The following TGFBR3 variants were observed in gnomAD, a reference collection of about 807,000 sequenced individuals.
The protein encoded by TGFBR3 is transforming growth factor beta receptor type 3.
In TGFBR3, 46 loss-of-function variants were observed where a neutral mutation model predicts 87.9. That is an observed-to-expected ratio of 0.52 (90% CI 0.41 to 0.67). The LOEUF (loss-of-function observed/expected upper bound fraction) is 0.67, where lower values mean the gene tolerates loss of function less well. Among genes scored for constraint, TGFBR3 ranks in the 30% least tolerant of loss-of-function variants. The probability of loss-of-function intolerance (pLI) is 0.00; values close to 1 mark genes in which losing one functional copy is unlikely to be tolerated. For missense variants in TGFBR3, 866 were observed against 1,041.9 expected (o/e 0.83, Z 2.32); for synonymous variants, 381 against 391.6 (o/e 0.97, Z 0.32).
intron 2 of TGFBR3, among the ~76,000 whole-genome samples, chr1:91,856,148 C>T (rs1412994623): frequency 1.3e-5 from 2 of 152,098 alleles, no homozygotes; most frequent in African/African-American, 4.8e-5. Context: ...CTGCAAGCTC[C>T]GCCTCCCGGG....
upstream of TGFBR3, chr1:91,886,248 GC>G (rs1344495560): frequency 4.5e-6 from 2 of 441,646 alleles, no homozygotes; most frequent in Admixed American, 4.8e-5. Context: ...GGGGGGAAGG[GC>G]GCTCCTCCGC....
chr1:91,736,986 A>G (rs1220451906), intron 4 of TGFBR3, among the ~76,000 whole-genome samples: 4 of 152,202 alleles, frequency 2.6e-5, no homozygotes, highest in Non-Finnish European at 5.9e-5. Context: ...AATACAGAAG[A>G]TATCAACGGC....
intron 2 of TGFBR3, among the ~76,000 whole-genome samples, chr1:91,817,305 CA>C (rs542161504): frequency 2.4e-4 from 37 of 152,006 alleles, no homozygotes; most frequent in Admixed American, 4.6e-4. Context: ...GACAATCTTT[CA>C]AAAAAATGTT....
chr1:91,702,323 C>A (rs2100734052), intron 14 of TGFBR3, among the ~76,000 whole-genome samples: 1 of 152,240 alleles, frequency 6.6e-6, no homozygotes, highest in South Asian at 2.1e-4. Context: ...AGCAATGCAA[C>A]CTTCACACCA....
intron 2 of TGFBR3, among the ~76,000 whole-genome samples, chr1:91,818,908 T>C (rs1346177730): frequency 6.6e-6 from 1 of 152,176 alleles, no homozygotes; most frequent in East Asian, 1.9e-4. Flanking sequence ...ATACACTTGA[T>C]AACTTATTTT....
intron 15 of TGFBR3, among the ~76,000 whole-genome samples, chr1:91,696,577 T>C (rs1025989135): frequency 2.4e-4 from 37 of 152,168 alleles, no homozygotes; most frequent in Non-Finnish European, 4.1e-4. Flanking sequence ...GCCCCAGAAA[T>C]AGAACATTTC....
intron 8 of TGFBR3, among the ~76,000 whole-genome samples, chr1:91,721,641 C>G (rs1237407428): frequency 6.6e-6 from 1 of 152,142 alleles, no homozygotes; most frequent in Non-Finnish European, 1.5e-5. Context: ...TTCCTGCAGT[C>G]TTAACTCTTC....
intron 2 of TGFBR3, among the ~76,000 whole-genome samples, chr1:91,835,752 C>T (rs558176910): frequency 1.6e-4 from 22 of 140,956 alleles, no homozygotes; most frequent in Admixed American, 4.7e-4. Flanking sequence ...GACGTGAACC[C>T]GGAAGGCGGA....
intron 2 of TGFBR3, among the ~76,000 whole-genome samples, chr1:91,811,996 CT>C (rs1676047674): frequency 6.6e-6 from 1 of 151,502 alleles, no homozygotes; most frequent in Admixed American, 6.6e-5. Context: ...TTTTTCCACT[CT>C]GGATCAACTA....
At chr1:91,799,135 G>C (rs1203398309) in intron 2 of TGFBR3, among the ~76,000 whole-genome samples, 2 of 152,190 alleles carry the variant, frequency 1.3e-5, no homozygotes, top group South Asian at 4.1e-4. Context: ...TACCCTCCAG[G>C]GTTGCAAACA....
chr1:91,731,032 C>T (rs1672750776), intron 5 of TGFBR3, among the ~76,000 whole-genome samples: 1 of 152,240 alleles, frequency 6.6e-6, no homozygotes, highest in Non-Finnish European at 1.5e-5. Flanking sequence ...TTCAACAGAA[C>T]TTGAAAGAAA....
intron 2 of TGFBR3, among the ~76,000 whole-genome samples, chr1:91,821,092 G>T (rs941613372): frequency 6.6e-6 from 1 of 152,126 alleles, no homozygotes; most frequent in East Asian, 1.9e-4. Context: ...GCACTTGGGA[G>T]ACTGAGGCAG....
chr1:91,754,356 G>A (rs1023739500), intron 4 of TGFBR3, among the ~76,000 whole-genome samples: 1 of 152,064 alleles, frequency 6.6e-6, no homozygotes, highest in African/African-American at 2.4e-5. Flanking sequence ...TTTCAACATG[G>A]CACACTGAGA....
chr1:91,833,374 T>C (rs1421088848), intron 2 of TGFBR3, among the ~76,000 whole-genome samples: 2 of 119,446 alleles, frequency 1.7e-5, no homozygotes, highest in Admixed American at 2.1e-4. Flanking sequence ...GGCAGAAGAA[T>C]CACTTGAACC....
At chr1:91,833,283 G>A (rs1284124658) in intron 2 of TGFBR3, among the ~76,000 whole-genome samples, 1 of 98,016 alleles carries the variant, frequency 1.0e-5, no homozygotes, top group East Asian at 3.2e-4. Context: ...GCGACAGTAG[G>A]AGACTCCGAC....
At chr1:91,808,089 C>T (rs917789695) in intron 2 of TGFBR3, among the ~76,000 whole-genome samples, 5 of 152,100 alleles carry the variant, frequency 3.3e-5, no homozygotes, top group Non-Finnish European at 2.9e-5. Flanking sequence ...TAGCATTACT[C>T]CCCAGAAATT....
In TGFBR3 at chr1:91,767,100, G is replaced by A. The variant is rs923514805; in HGVS notation, c.247-8350C>T. Among the ~76,000 whole-genome samples, 13 of 133,984 alleles carry A rather than the reference G, an allele frequency of 9.7e-5. 4 individuals carry two copies. The highest frequency in any genetic ancestry group is 8.4e-5 in the African/African-American group (3 of 35,624). 87.9% of individuals were successfully genotyped at this position (133,984 alleles called of 152,430 possible). ...CTCAGTGTATTGACTTGCCACGCAC[G>A]TTGGACAATGAACCTATTATGGCTG... On this transcript the variant is annotated intron_variant, in intron 3 of 16. Coordinates refer to ENST00000212355, the MANE Select transcript of TGFBR3 (RefSeq NM_003243.5).
intron 2 of TGFBR3, among the ~76,000 whole-genome samples, chr1:91,802,576 G>T (rs1396069692): frequency 1.3e-5 from 2 of 151,964 alleles, no homozygotes; most frequent in Admixed American, 1.3e-4. Flanking sequence ...GGCCAGGCTG[G>T]TCTCGAACTC....
rs1212358015 is a variant in TGFBR3, at chr1:91,682,790, TTC to T, written c.*947_*948del. 1 of 454,066 alleles carries T rather than the reference TTC, an allele frequency of 2.2e-6. No homozygotes were observed. The highest frequency in any genetic ancestry group is 4.4e-6 in the Non-Finnish European group (1 of 226,738). The allele number at this position is 454,066 out of a possible 1,614,324, so 28.1% of individuals were successfully genotyped here. Reference sequence around the variant, plus strand: ...AAAAGCATAAGGACATTTTCAAATTTTCTCTTCTTCAACTGAGAAAATGAATG... The same window carrying T: ...AAAAGCATAAGGACATTTTCAAATTTTCTTCTTCAACTGAGAAAATGAATG... On this transcript the variant is annotated 3_prime_UTR_variant, in exon 17 of 17. Coordinates refer to ENST00000212355, the MANE Select transcript of TGFBR3 (RefSeq NM_003243.5).
Sources: allele counts gnomAD v4.1 joint callset (sites outside exome capture counted in the v4.1 genomes callset), GRCh38; gene constraint gnomAD v4.1.1; transcripts MANE v1.5; gene names NCBI Gene and HGNC (gene_info 2026-07-23, HGNC 2026-07-21).